The following RUNDC3B variants were observed in gnomAD, a reference collection of about 807,000 sequenced individuals.
The protein encoded by RUNDC3B is RUN domain-containing protein 3B.
Under a neutral mutation model 58.4 loss-of-function variants are expected in RUNDC3B, and 33 were observed. The ratio of observed to expected loss-of-function variants is 0.56; its 90% CI spans 0.43 to 0.75. RUNDC3B has a LOEUF of 0.75. Ranked by LOEUF, RUNDC3B falls within the 30% of genes least tolerant of loss-of-function variation. The pLI, the probability that RUNDC3B is intolerant of heterozygous loss-of-function variation, is 0.00. For missense variants in RUNDC3B, 501 were observed against 535.7 expected (o/e 0.94, Z 0.64); for synonymous variants, 193 against 195.2 (o/e 0.99, Z 0.10).
intron 1 of RUNDC3B, among the ~76,000 whole-genome samples, chr7:87,636,056 T>C (rs1167045905): frequency 6.6e-6 from 1 of 152,226 alleles, no homozygotes; most frequent in Non-Finnish European, 1.5e-5. Context: ...CATTCATATT[T>C]ATTTTTGTGA....
rs188196757 is a variant in RUNDC3B at position 87,684,173 on chromosome 7, G to T, written c.239-16248G>T. ...GGCATCTACAGAAGTTTACAACAGG[G>T]TTTCTCAACATTGATACTGTTGATA... On this transcript the variant is annotated intron_variant, in intron 2 of 10. Transcript: ENST00000394654. 1.9e-3 allele frequency among the ~76,000 whole-genome samples: 291 copies of T among 152,216 alleles called. 2 individuals carry two copies. Among genetic ancestry groups the T allele is most frequent in the Non-Finnish European group, 5.7e-4 (39 of 68,006 alleles).
rs1387049719 is a variant in RUNDC3B, at chr7:87,773,653, C to CTTGTT, written c.798+2908_798+2909insTTTGT. Among the ~76,000 whole-genome samples, 254 of 133,432 alleles carry CTTGTT rather than the reference C, an allele frequency of 1.9e-3. 1 individual carries two copies. Among genetic ancestry groups the CTTGTT allele is most frequent in the Admixed American group, 3.3e-3 (42 of 12,632 alleles). 87.5% of individuals were successfully genotyped at this position (133,432 alleles called of 152,430 possible). On this transcript the variant is annotated intron_variant, in intron 7 of 10. Transcript: ENST00000394654. ...TTTGTTTGGTTTGTTTTGTTTTTGTCTTGTCTTGTTTTGTTTTGTTTTGTT... is the reference window on the plus strand; with the variant it reads ...TTTGTTTGGTTTGTTTTGTTTTTGTCTTGTTTTGTCTTGTTTTGTTTTGTTTTGTT...
At position 87,770,089 on chromosome 7, in the gene RUNDC3B, G is replaced by GT. The variant is rs1379163724; in HGVS notation, c.630-490dup. On this transcript the variant is annotated intron_variant, in intron 6 of 10. Coordinates refer to ENST00000394654, the MANE Select transcript of RUNDC3B (RefSeq NM_001134405.2). ...AGGAGTGACTGGATCTTCTGAACCT[G>GT]TTGTTATCTTCTCTTTGCTAAAGCT... Among the ~76,000 whole-genome samples, 13 of 152,014 alleles carry GT rather than the reference G, an allele frequency of 8.6e-5. No homozygotes were observed. The East Asian group carries it at 1.6e-3, about 18-fold the overall frequency.
At chr7:87,640,493 A>G (rs1323831980) in intron 1 of RUNDC3B, among the ~76,000 whole-genome samples, 1 of 151,732 alleles carries the variant, frequency 6.6e-6, no homozygotes, top group East Asian at 1.9e-4. Flanking sequence ...GCAGACATGC[A>G]CCACCACACC....
intron 1 of RUNDC3B, among the ~76,000 whole-genome samples, chr7:87,633,818 G>A (rs1821467277): frequency 6.6e-6 from 1 of 152,064 alleles, no homozygotes; most frequent in South Asian, 2.1e-4. Flanking sequence ...TATGTGAAAT[G>A]TTATTGAATA....
intron 8 of RUNDC3B, among the ~76,000 whole-genome samples, chr7:87,783,905 T>TGAC (rs1835073833): frequency 6.6e-6 from 1 of 152,284 alleles, no homozygotes; most frequent in Admixed American, 6.5e-5. Flanking sequence ...GTAAGTGATA[T>TGAC]GACCCTTTTC....
intron 6 of RUNDC3B, among the ~76,000 whole-genome samples, chr7:87,748,379 G>A (rs1186830457): frequency 6.6e-6 from 1 of 152,144 alleles, no homozygotes; most frequent in Non-Finnish European, 1.5e-5. Flanking sequence ...CCTTCAGAGG[G>A]TCTGTGGGTC....
chr7:87,706,340 G>T (rs1829584032), intron 3 of RUNDC3B, among the ~76,000 whole-genome samples: 1 of 152,020 alleles, frequency 6.6e-6, no homozygotes, highest in Non-Finnish European at 1.5e-5. Flanking sequence ...TATAAGATCA[G>T]CTTGGTGCTG....
At chr7:87,776,717 A>G (rs17329751) in intron 7 of RUNDC3B, among the ~76,000 whole-genome samples, 4,555 of 152,050 alleles carry the variant, frequency 0.03, 65 homozygotes, top group Middle Eastern at 0.042. Context: ...ATTAACTTTA[A>G]CTTCTGAGAT....
chr7:87,714,400 T>A (rs1395253911), intron 4 of RUNDC3B, among the ~76,000 whole-genome samples: 5 of 151,970 alleles, frequency 3.3e-5, no homozygotes, highest in African/African-American at 1.2e-4. Context: ...TGAGGTGAGA[T>A]GGTCACATGG....
intron 2 of RUNDC3B, among the ~76,000 whole-genome samples, chr7:87,696,338 A>C (rs907815972): frequency 1.3e-5 from 2 of 152,162 alleles, no homozygotes; most frequent in African/African-American, 4.8e-5. Context: ...TTTTAAAGGC[A>C]TGAGTAGCTT....
At chr7:87,667,023 G>A (rs1285021853) in intron 2 of RUNDC3B, among the ~76,000 whole-genome samples, 1 of 152,150 alleles carries the variant, frequency 6.6e-6, no homozygotes, top group South Asian at 2.1e-4. Flanking sequence ...CTAGTTCTGT[G>A]AAGAATGTCA....
At chr7:87,809,079 A>G (rs1019756351) in intron 9 of RUNDC3B, among the ~76,000 whole-genome samples, 4 of 152,164 alleles carry the variant, frequency 2.6e-5, no homozygotes, top group Admixed American at 1.3e-4. Context: ...AAAGTGGAAG[A>G]TTTATTTTTA....
intron 1 of RUNDC3B, among the ~76,000 whole-genome samples, chr7:87,650,092 A>G (rs1365802051): frequency 6.6e-6 from 1 of 152,100 alleles, no homozygotes; most frequent in East Asian, 1.9e-4. Context: ...GTCCTATTTT[A>G]TTCTATTTTG....
chr7:87,769,778 T>G (rs1183011868), intron 6 of RUNDC3B, among the ~76,000 whole-genome samples: 1 of 152,078 alleles, frequency 6.6e-6, no homozygotes, highest in Non-Finnish European at 1.5e-5. Context: ...GCATTAGGTA[T>G]TTGTCCTAAT....
At chr7:87,802,251 G>A (rs1212095105) in intron 8 of RUNDC3B, among the ~76,000 whole-genome samples, 1 of 152,040 alleles carries the variant, frequency 6.6e-6, no homozygotes, top group Non-Finnish European at 1.5e-5. Flanking sequence ...AACTTAGCTG[G>A]TCATGGTGGT....
At chr7:87,804,211 G>T (rs1473191567) in intron 8 of RUNDC3B, among the ~76,000 whole-genome samples, 1 of 152,054 alleles carries the variant, frequency 6.6e-6, no homozygotes, top group Non-Finnish European at 1.5e-5. Context: ...TAATAATAGG[G>T]ATATAGTTAA....
At chr7:87,710,447 T>G (rs1161003467) in intron 3 of RUNDC3B, 123 bp from the exon 4 acceptor site, 5 of 617,966 alleles carry the variant, frequency 8.1e-6, no homozygotes, top group South Asian at 2.1e-5. Flanking sequence ...AACATTTTTC[T>G]TAGTCGTTAT....
intron 7 of RUNDC3B, 148 bp from the exon 8 acceptor site, chr7:87,777,649 GA>G: frequency 1.7e-6 from 1 of 578,078 alleles, no homozygotes; most frequent in East Asian, 3.2e-5. Context: ...ATTCAATTAA[GA>G]CAAATTTTTT....
Sources: allele counts gnomAD v4.1 joint callset (sites outside exome capture counted in the v4.1 genomes callset), GRCh38; gene constraint gnomAD v4.1.1; transcripts MANE v1.5; gene names NCBI Gene and HGNC (gene_info 2026-07-23, HGNC 2026-07-21).